The following DYSF variants were observed in gnomAD, a reference collection of about 807,000 sequenced individuals.
The protein encoded by DYSF is dystrophy-associated fer-1-like 1.
Under a neutral mutation model 274.9 loss-of-function variants are expected in DYSF, and 212 were observed. The observed-to-expected ratio is 0.77, with a 90% confidence interval of 0.69 to 0.86. The LOEUF (loss-of-function observed/expected upper bound fraction) is 0.86. Among genes scored for constraint, DYSF ranks in the 40% least tolerant of loss-of-function variants. The pLI is 0.00. For missense variants in DYSF, 2,666 were observed against 2,783.2 expected, an observed-to-expected ratio of 0.96 and a Z score of 0.95; for synonymous variants, 1,091 against 1,078.7, an observed-to-expected ratio of 1.01 and a Z score of -0.22.
chr2:71,642,089 C>T, intron 41 of DYSF, among the ~76,000 whole-genome samples: 1 of 152,206 alleles, frequency 6.6e-6, no homozygotes, highest in South Asian at 2.1e-4. Context: ...GTGATACCTT[C>T]CCCACAATTC....
At chr2:71,639,694 A>G (rs2094458217) in intron 41 of DYSF, among the ~76,000 whole-genome samples, 1 of 152,198 alleles carries the variant, frequency 6.6e-6, no homozygotes, top group South Asian at 2.1e-4. Flanking sequence ...TTTTAAATGA[A>G]GTAAAATCTT....
intron 3 of DYSF, among the ~76,000 whole-genome samples, chr2:71,491,527 G>A (rs1481876430): frequency 6.6e-6 from 1 of 152,186 alleles, no homozygotes; most frequent in Non-Finnish European, 1.5e-5. Context: ...ATTAAGCCTA[G>A]GACCCATTGG....
intron 17 of DYSF, among the ~76,000 whole-genome samples, chr2:71,547,614 G>C (rs1362989283): frequency 6.6e-6 from 1 of 152,094 alleles, no homozygotes. Flanking sequence ...GCTCCAGTGT[G>C]GGCAACAAGA....
At chr2:71,640,113 C>T (rs1284833597) in intron 41 of DYSF, among the ~76,000 whole-genome samples, 1 of 152,234 alleles carries the variant, frequency 6.6e-6, no homozygotes, top group Non-Finnish European at 1.5e-5. Flanking sequence ...TGAACACTGG[C>T]AGTCTAGCTT....
exon 1 of DYSF, chr2:71,453,925 C>A: frequency 1.4e-6 from 2 of 1,454,190 alleles, no homozygotes; most frequent in Non-Finnish European, 1.9e-6. Context: ...GACCCACAAG[C>A]GGCGCCTCGG....
Position 71,585,112 on chromosome 2 carries a change from A to G in DYSF, c.3403-4481A>G, listed in dbSNP as rs190720643. Reference sequence around the variant, plus strand: ...GGGACATTGGGCAATGTCTGGAGACATTTCTAGTGATCGTAACTCAGTGGA... The same window carrying G: ...GGGACATTGGGCAATGTCTGGAGACGTTTCTAGTGATCGTAACTCAGTGGA... On this transcript the variant is annotated intron_variant, in intron 30 of 55. Coordinates refer to ENST00000410020, the MANE Select transcript of DYSF (RefSeq NM_001130987.2). Among the ~76,000 whole-genome samples the G allele has an allele frequency of 4.7e-3, 711 of 152,330 alleles. 9 individuals carry two copies. Among genetic ancestry groups the G allele is most frequent in the African/African-American group, 0.017 (690 of 41,564 alleles).
At chr2:71,658,819 C>G in intron 43 of DYSF, 59 bp from the exon 44 acceptor site, 1 of 1,608,076 alleles carries the variant, frequency 6.2e-7, no homozygotes, top group Non-Finnish European at 8.5e-7. Context: ...GGTGGGGACA[C>G]AGCCAAACCA....
At chr2:71,506,641 A>G (rs908687982) in intron 4 of DYSF, among the ~76,000 whole-genome samples, 2 of 152,206 alleles carry the variant, frequency 1.3e-5, no homozygotes, top group Admixed American at 6.5e-5. Context: ...TCTTAGCTCT[A>G]TTTGTCTAGA....
chr2:71,656,834 G>T (rs995354788), intron 43 of DYSF, among the ~76,000 whole-genome samples: 1 of 152,068 alleles, frequency 6.6e-6, no homozygotes, highest in African/African-American at 2.4e-5. Context: ...CTCCTCCTGG[G>T]TCCCTCCCCC....
intron 32 of DYSF, among the ~76,000 whole-genome samples, chr2:71,597,947 C>T (rs984070255): frequency 6.6e-6 from 1 of 152,156 alleles, no homozygotes; most frequent in Non-Finnish European, 1.5e-5. Flanking sequence ...AGTGAGCTTG[C>T]TGAAACGCAG....
At position 71,686,467 on chromosome 2, in the gene DYSF, T is replaced by C; in HGVS notation, c.6335T>C (p.Met2112Thr). ...CCCTCCCTCCAGAACTATGCTGCCATGAAGCTGGTGAAGCCCTTCAGCTGA... is the reference window on the plus strand; with the variant it reads ...CCCTCCCTCCAGAACTATGCTGCCACGAAGCTGGTGAAGCCCTTCAGCTGA... Reference protein sequence around the residue: ...FIYAFPNYAAMKLVKPFS With the variant: ...FIYAFPNYAATKLVKPFS The change falls in exon 56 of 56, where the codon ATG becomes ACG. Residue 2112 changes from methionine (M) to threonine (T), a missense_variant. Physicochemically the swap from Met to Thr is moderately conservative, Grantham distance 81 (BLOSUM62 -1). Transcript: ENST00000410020. The C allele has an allele frequency of 6.2e-7, 1 of 1,614,156 alleles. No individual in the cohort carries two copies. Among genetic ancestry groups the C allele is most frequent in the Admixed American group, 1.7e-5 (1 of 60,028 alleles).
At chr2:71,474,872 CA>C (rs2082288210) in intron 1 of DYSF, among the ~76,000 whole-genome samples, 2 of 152,176 alleles carry the variant, frequency 1.3e-5, no homozygotes, top group African/African-American at 4.8e-5. Context: ...GTGTGCAACT[CA>C]TGAGAGGCTG....
At chr2:71,483,091 A>G (rs888763492) in intron 3 of DYSF, among the ~76,000 whole-genome samples, 1 of 152,056 alleles carries the variant, frequency 6.6e-6, no homozygotes. Flanking sequence ...AAAAAAACCC[A>G]ATTGCCACCT....
At chr2:71,672,679 G>A (rs1021946773) in intron 51 of DYSF, among the ~76,000 whole-genome samples, 4 of 152,210 alleles carry the variant, frequency 2.6e-5, no homozygotes, top group East Asian at 1.9e-4. Context: ...ACCAGGGGCC[G>A]TTTGAACCTC....
chr2:71,541,224 T>G (rs114853655), intron 17 of DYSF, among the ~76,000 whole-genome samples: 2,511 of 152,332 alleles, frequency 0.016, 37 homozygotes, highest in Admixed American at 0.023. Context: ...TTTGAGGGTT[T>G]GAAATAATTC....
intron 32 of DYSF, 73 bp downstream of exon 32, chr2:71,590,361 G>A: frequency 1.3e-6 from 2 of 1,535,288 alleles, no homozygotes; most frequent in East Asian, 2.2e-5. Context: ...TGGCTTTCGG[G>A]CAACAAGGGG....
chr2:71,503,952 C>T (rs888108105), intron 4 of DYSF, among the ~76,000 whole-genome samples: 1 of 152,204 alleles, frequency 6.6e-6, no homozygotes, highest in African/African-American at 2.4e-5. Context: ...GGGTTAGCCC[C>T]GCCTTCCAGG....
intron 4 of DYSF, among the ~76,000 whole-genome samples, chr2:71,508,371 C>T (rs1024648252): frequency 1.3e-5 from 2 of 152,178 alleles, no homozygotes; most frequent in Non-Finnish European, 2.9e-5. Flanking sequence ...ACCCCAGTCG[C>T]GGCTCATCCA....
intron 30 of DYSF, among the ~76,000 whole-genome samples, chr2:71,582,312 T>A (rs969449060): frequency 2.6e-5 from 4 of 152,152 alleles, no homozygotes; most frequent in African/African-American, 9.7e-5. Context: ...GCATGTACCG[T>A]GGGCCAGCCA....
Sources: gnomAD v4.1 joint callset for allele counts (sites outside exome capture counted in the v4.1 genomes callset) on GRCh38, gnomAD v4.1.1 for gene constraint, MANE v1.5 for transcripts, NCBI Gene and HGNC (gene_info 2026-07-23, HGNC 2026-07-21) for gene names.